Variants in GLIPR1L1 observed in about 807,000 individuals in gnomAD.
GLIPR1L1 encodes the protein GLIPR1 like 1.
Under a neutral mutation model 29.9 loss-of-function variants are expected in GLIPR1L1, and 26 were observed. The ratio of observed to expected loss-of-function variants is 0.87; its 90% CI spans 0.64 to 1.21. GLIPR1L1 has a LOEUF of 1.21. GLIPR1L1 is among the 50% of genes most tolerant of loss of function. GLIPR1L1 has a pLI of 0.00. For synonymous variants in GLIPR1L1, 77 were observed against 97.5 expected (o/e 0.79, Z 1.24); for missense variants, 305 against 290.3 (o/e 1.05, Z -0.37).
At position 75,334,708 on chromosome 12, in the gene GLIPR1L1, C is replaced by G. The variant is rs1378287428; in HGVS notation, c.-21C>G. The stretch of plus-strand genomic sequence containing the variant: ...CTGGTCCGCGCAGTCAGGGCATCCT[C>G]CGCATCCTCCACATCCTTCCATGGC... On this transcript the variant is annotated 5_prime_UTR_variant, in exon 1 of 6. Coordinates refer to ENST00000378695, the MANE Select transcript of GLIPR1L1 (RefSeq NM_001304964.2). 1.2e-6 allele frequency: 2 copies of G among 1,605,642 alleles called. No individual in the cohort carries two copies. Among genetic ancestry groups the G allele is most frequent in the East Asian group, 2.2e-5 (1 of 44,830 alleles).
chr12:75,366,607 T>A (rs1461184582), intron 4 of GLIPR1L1, among the ~76,000 whole-genome samples: 1 of 151,990 alleles, frequency 6.6e-6, no homozygotes, highest in Non-Finnish European at 1.5e-5. Flanking sequence ...TCAAAGTGGA[T>A]CATTCTTGTC....
intron 4 of GLIPR1L1, among the ~76,000 whole-genome samples, chr12:75,368,888 G>A (rs191147577): frequency 1.1e-3 from 170 of 151,912 alleles, no homozygotes; most frequent in African/African-American, 4.0e-3. Context: ...ATTTGGGTTT[G>A]TGGAAGACTT....
chr12:75,367,125 GA>G lies in GLIPR1L1; in HGVS notation c.611-2833del, dbSNP rs2044023560. ...AAAACGTAATGGAGAAGACACTTTA[GA>G]ATACACCTCCAAAGTGGAAACCAAA... On this transcript the variant is annotated intron_variant, in intron 4 of 5. Transcript: ENST00000378695. The G allele has an allele frequency of 1.3e-5, 9 of 669,284 alleles. No individual in the cohort carries two copies. In the South Asian group the frequency reaches 1.4e-4, roughly 11 times the overall value. 41.5% of individuals were successfully genotyped at this position (669,284 alleles called of 1,614,324 possible).
At chr12:75,335,182 CT>C (rs2139218610) in intron 1 of GLIPR1L1, among the ~76,000 whole-genome samples, 1 of 152,214 alleles carries the variant, frequency 6.6e-6, no homozygotes, top group Non-Finnish European at 1.5e-5. Context: ...GTTATAAGTA[CT>C]GAACACAGGA....
intron 3 of GLIPR1L1, among the ~76,000 whole-genome samples, chr12:75,356,191 T>C (rs569275793): frequency 6.6e-6 from 1 of 152,120 alleles, no homozygotes; most frequent in Admixed American, 6.6e-5. Context: ...CCAGCAGATT[T>C]TTCAGTGGAC....
intron 3 of GLIPR1L1, among the ~76,000 whole-genome samples, chr12:75,350,394 G>A (rs1294566132): frequency 6.6e-6 from 1 of 152,158 alleles, no homozygotes; most frequent in Non-Finnish European, 1.5e-5. Context: ...CCCCTGACTG[G>A]GTGAGATCTC....
intron 3 of GLIPR1L1, among the ~76,000 whole-genome samples, chr12:75,359,130 A>G (rs1173496010): frequency 6.6e-6 from 1 of 150,446 alleles, no homozygotes; most frequent in Non-Finnish European, 1.5e-5. Context: ...AAATTAGTAT[A>G]CAAAAATTAA....
chr12:75,367,110 G>A, intron 4 of GLIPR1L1: 1 of 686,306 alleles, frequency 1.5e-6, no homozygotes. Flanking sequence ...AAAACGTAAT[G>A]GAGAAGACAC....
intron 1 of GLIPR1L1, among the ~76,000 whole-genome samples, chr12:75,337,366 T>C (rs1487651035): frequency 6.6e-6 from 1 of 151,610 alleles, no homozygotes; most frequent in African/African-American, 2.4e-5. Context: ...AAAAGATTAA[T>C]GAAGAAAGAC....
At chr12:75,364,282 C>A (rs1245741218) in intron 4 of GLIPR1L1, among the ~76,000 whole-genome samples, 1 of 152,222 alleles carries the variant, frequency 6.6e-6, no homozygotes, top group East Asian at 1.9e-4. Context: ...TTGGAATGCA[C>A]CTTGCCAAAA....
At chr12:75,353,364 C>T (rs2042940334) in intron 3 of GLIPR1L1, among the ~76,000 whole-genome samples, 1 of 152,188 alleles carries the variant, frequency 6.6e-6, no homozygotes, top group African/African-American at 2.4e-5. Context: ...ATACTATAAA[C>T]ACCTCTGTGC....
chr12:75,335,891 T>C (rs1487766305), intron 1 of GLIPR1L1, among the ~76,000 whole-genome samples: 1 of 151,986 alleles, frequency 6.6e-6, no homozygotes, highest in Non-Finnish European at 1.5e-5. Context: ...ATTAATATGG[T>C]TGATGCCTTT....
At chr12:75,363,068 C>T in intron 3 of GLIPR1L1, 34 bp from the exon 4 acceptor site, 3 of 1,110,746 alleles carry the variant, frequency 2.7e-6, no homozygotes, top group Middle Eastern at 2.2e-4. Flanking sequence ...AAATTAACAG[C>T]CATTTGGCTA....
intron 3 of GLIPR1L1, 69 bp from the exon 4 acceptor site, chr12:75,363,033 C>T: frequency 1.5e-6 from 1 of 685,384 alleles, no homozygotes; most frequent in South Asian, 2.0e-5. Flanking sequence ...AAACAACTTG[C>T]ATACATGCAT....
At chr12:75,360,007 A>C (rs2043460631) in intron 3 of GLIPR1L1, 1 of 152,212 alleles carries the variant, frequency 6.6e-6, no homozygotes, top group South Asian at 2.1e-4. Context: ...CAGCAAGAGA[A>C]AGAAAAGGAG....
intron 4 of GLIPR1L1, among the ~76,000 whole-genome samples, chr12:75,366,420 G>T (rs1314125466): frequency 6.6e-6 from 1 of 152,148 alleles, no homozygotes; most frequent in Non-Finnish European, 1.5e-5. Flanking sequence ...TTGAGTTGCA[G>T]ATTGACCTTT....
chr12:75,346,167 G>C (rs888587252), intron 2 of GLIPR1L1, among the ~76,000 whole-genome samples: 3 of 152,132 alleles, frequency 2.0e-5, no homozygotes, highest in African/African-American at 7.2e-5. Flanking sequence ...TCACAATTTA[G>C]ATAAAATTTA....
intron 3 of GLIPR1L1, among the ~76,000 whole-genome samples, chr12:75,358,625 A>G (rs2043313451): frequency 1.3e-5 from 2 of 150,410 alleles, no homozygotes; most frequent in Admixed American, 1.3e-4. Flanking sequence ...TGTATGTAAC[A>G]TACCAGACAG....
intron 1 of GLIPR1L1, among the ~76,000 whole-genome samples, chr12:75,339,135 G>C (rs137911958): frequency 6.6e-6 from 1 of 152,302 alleles, no homozygotes; most frequent in East Asian, 1.9e-4. Context: ...GGATTGCTGG[G>C]TCAAATGGTA....
Sources: allele counts gnomAD v4.1 joint callset (sites outside exome capture counted in the v4.1 genomes callset), GRCh38; gene constraint gnomAD v4.1.1; transcripts MANE v1.5; gene names NCBI Gene and HGNC (gene_info 2026-07-23, HGNC 2026-07-21).